SSBP2: variants seen among roughly 807,000 people sequenced by gnomAD.
SSBP2 encodes the protein single stranded DNA binding protein 2.
A neutral mutation model predicts 61.8 loss-of-function variants in SSBP2; 17 were observed. The observed-to-expected ratio is 0.28, with a 90% CI of 0.19 to 0.41. The LOEUF (loss-of-function observed/expected upper bound fraction) is 0.41. Among genes scored for constraint, SSBP2 ranks in the 10% least tolerant of loss-of-function variants. The pLI, the probability that SSBP2 is intolerant of heterozygous loss-of-function variation, is 1.00. For synonymous variants in SSBP2, 139 were observed against 141.3 expected, an observed-to-expected ratio of 0.98 and a Z score of 0.12; for missense variants, 310 against 458.7, an observed-to-expected ratio of 0.68 and a Z score of 2.96.
At chr5:81,635,549 G>A (rs560049785) in intron 3 of SSBP2, among the ~76,000 whole-genome samples, 1 of 150,812 alleles carries the variant, frequency 6.6e-6, no homozygotes, top group South Asian at 2.1e-4. Context: ...GTCTAACATT[G>A]ACAACTTGAT....
At chr5:81,684,560 G>T (rs1351338211) in intron 1 of SSBP2, among the ~76,000 whole-genome samples, 1 of 152,126 alleles carries the variant, frequency 6.6e-6, no homozygotes. Flanking sequence ...GTGAGACACG[G>T]AGTCAAAGGA....
intron 1 of SSBP2, among the ~76,000 whole-genome samples, chr5:81,729,458 T>C (rs1217384551): frequency 1.3e-5 from 2 of 152,062 alleles, no homozygotes; most frequent in Admixed American, 1.3e-4. Flanking sequence ...CCTATGGGGC[T>C]GGGGGTTGTA....
Position 81,599,823 on chromosome 5 carries a change from C to A in SSBP2, c.282+15650G>T, listed in dbSNP as rs550822506. Among the ~76,000 whole-genome samples, 8 of 152,338 alleles carry A rather than the reference C, an allele frequency of 5.3e-5. No homozygotes were observed. In the South Asian group the frequency reaches 1.2e-3, roughly 24 times the overall value. On this transcript the variant is annotated intron_variant, in intron 4 of 16. Coordinates refer to ENST00000320672, the MANE Select transcript of SSBP2 (RefSeq NM_012446.5). ...ATTTTTCTGCATTCATGAAGCTCAA[C>A]AAATTCTGAACTCCTTCTAAGCTCC...
chr5:81,712,816 T>C lies in SSBP2; in HGVS notation c.62+38165A>G. Reference sequence around the variant, plus strand: ...GGTGCAATCATGGCTCACTGCAGCCTTGACCTCCTGGGCTCAAGTGATCCT... The same window carrying C: ...GGTGCAATCATGGCTCACTGCAGCCCTGACCTCCTGGGCTCAAGTGATCCT... On this transcript the variant is annotated intron_variant, in intron 1 of 16. Transcript: ENST00000320672. Among the ~76,000 whole-genome samples, 2 of 151,364 alleles carry C rather than the reference T, an allele frequency of 1.3e-5. 1 individual carries two copies. The highest frequency in any genetic ancestry group is 4.9e-5 in the African/African-American group (2 of 41,174).
chr5:81,664,215 C>T (rs1373534630), intron 1 of SSBP2, among the ~76,000 whole-genome samples: 4 of 151,546 alleles, frequency 2.6e-5, no homozygotes, highest in South Asian at 2.1e-4. Flanking sequence ...CTCTGCCTCC[C>T]GGGTTCTAGT....
chr5:81,588,008 A>T (rs145989025), intron 4 of SSBP2, among the ~76,000 whole-genome samples: 2,310 of 152,244 alleles, frequency 0.015, 29 homozygotes, highest in Middle Eastern at 0.024. Flanking sequence ...TCTGTTGCCC[A>T]GGCTGGAGTG....
chr5:81,708,819 T>A (rs1374170503), intron 1 of SSBP2, among the ~76,000 whole-genome samples: 1 of 151,968 alleles, frequency 6.6e-6, no homozygotes, highest in Non-Finnish European at 1.5e-5. Context: ...GTACTATAAA[T>A]ACAGAAGAAA....
At chr5:81,443,929 T>A (rs1004593336) in intron 12 of SSBP2, among the ~76,000 whole-genome samples, 2 of 152,214 alleles carry the variant, frequency 1.3e-5, no homozygotes, top group African/African-American at 4.8e-5. Flanking sequence ...AAGGTAAGTA[T>A]CATTTACTTT....
chr5:81,439,489 T>C (rs1221576120), intron 14 of SSBP2, among the ~76,000 whole-genome samples: 5 of 147,614 alleles, frequency 3.4e-5, no homozygotes, highest in Admixed American at 6.7e-5. Flanking sequence ...GCATCACTTA[T>C]AAAGTATGTT....
chr5:81,430,614 TAACATTGC>T (rs1762223263), intron 15 of SSBP2, among the ~76,000 whole-genome samples: 1 of 152,238 alleles, frequency 6.6e-6, no homozygotes, highest in African/African-American at 2.4e-5. Flanking sequence ...AATTTGAAAG[TAACATTGC>T]ATTGCTAATG....
At chr5:81,549,199 C>T (rs888888703) in intron 4 of SSBP2, among the ~76,000 whole-genome samples, 1 of 152,092 alleles carries the variant, frequency 6.6e-6, no homozygotes, top group African/African-American at 2.4e-5. Context: ...ACTACCACAC[C>T]TTAACTGTGC....
chr5:81,622,456 G>A (rs1472031584), intron 3 of SSBP2, among the ~76,000 whole-genome samples: 1 of 152,194 alleles, frequency 6.6e-6, no homozygotes, highest in Non-Finnish European at 1.5e-5. Flanking sequence ...CTGAGACAGA[G>A]CCAGACCTGC....
intron 6 of SSBP2, among the ~76,000 whole-genome samples, chr5:81,478,044 A>G (rs1765709825): frequency 6.6e-6 from 1 of 152,228 alleles, no homozygotes; most frequent in Non-Finnish European, 1.5e-5. Flanking sequence ...AGAAGGAAAA[A>G]GTAGCCAACA....
At chr5:81,560,767 A>G (rs964281047) in intron 4 of SSBP2, among the ~76,000 whole-genome samples, 1 of 152,224 alleles carries the variant, frequency 6.6e-6, no homozygotes, top group African/African-American at 2.4e-5. Flanking sequence ...AATTGACAAT[A>G]AACATTGTAT....
chr5:81,465,784 T>C (rs1764850108), intron 9 of SSBP2, among the ~76,000 whole-genome samples: 1 of 151,970 alleles, frequency 6.6e-6, no homozygotes, highest in Non-Finnish European at 1.5e-5. Flanking sequence ...GAAGCAACCA[T>C]TAATACAAGG....
chr5:81,451,332 G>GA lies in SSBP2; in HGVS notation c.688-2508dup, dbSNP rs527447233. ...AAATTTTCATGTATATCCCAGATAG[G>GA]AAAAAAAAAAACTTTGTTTATTTCC... On this transcript the variant is annotated intron_variant, in intron 10 of 16. Coordinates refer to ENST00000320672, the MANE Select transcript of SSBP2 (RefSeq NM_012446.5). 9.8e-3 allele frequency among the ~76,000 whole-genome samples: 1,423 copies of GA among 145,696 alleles called. 16 individuals carry two copies. Among genetic ancestry groups the GA allele is most frequent in the African/African-American group, 0.032 (1,295 of 40,022 alleles).
chr5:81,522,601 A>G (rs942355335), intron 4 of SSBP2, among the ~76,000 whole-genome samples: 3 of 152,152 alleles, frequency 2.0e-5, no homozygotes, highest in Non-Finnish European at 4.4e-5. Context: ...CATTTCAATA[A>G]AATAAGATTT....
intron 1 of SSBP2, among the ~76,000 whole-genome samples, chr5:81,724,288 A>C (rs1755731987): frequency 6.6e-6 from 1 of 151,964 alleles, no homozygotes; most frequent in Admixed American, 6.6e-5. Flanking sequence ...CTCTTCTATT[A>C]GTTATGTCTT....
intron 4 of SSBP2, among the ~76,000 whole-genome samples, chr5:81,587,769 A>G (rs1357172576): frequency 3.3e-5 from 5 of 151,302 alleles, no homozygotes; most frequent in Non-Finnish European, 5.9e-5. Flanking sequence ...GCGCGCACAC[A>G]CACACACACA....
Sources: gnomAD v4.1 joint callset for allele counts (sites outside exome capture counted in the v4.1 genomes callset) on GRCh38, gnomAD v4.1.1 for gene constraint, MANE v1.5 for transcripts, NCBI Gene and HGNC (gene_info 2026-07-23, HGNC 2026-07-21) for gene names.